The following OPRM1 variants were observed in gnomAD, a reference collection of about 807,000 sequenced individuals.
The protein encoded by OPRM1 is opioid receptor mu 1.
OPRM1 carries 27 observed loss-of-function variants against 31.8 expected under a neutral mutation model. That is an observed-to-expected ratio of 0.85 (90% CI 0.63 to 1.17). OPRM1 has a LOEUF of 1.17. Among genes scored for constraint, OPRM1 ranks in the 50% most tolerant of loss-of-function variants. The probability of loss-of-function intolerance (pLI) is 0.00; values close to 1 mark genes in which losing one functional copy is unlikely to be tolerated. For synonymous variants in OPRM1, 196 were observed against 189.9 expected, an observed-to-expected ratio of 1.03 and a Z score of -0.26; for missense variants, 536 against 511.1, an observed-to-expected ratio of 1.05 and a Z score of -0.47.
At position 154,086,874 on chromosome 6, in the gene OPRM1, T is replaced by A. The variant is rs184521684; in HGVS notation, c.291-2952T>A. 1.0e-4 allele frequency: 103 copies of A among 984,000 alleles called. No individual in the cohort carries two copies. In the African/African-American group the frequency reaches 1.7e-3, roughly 16 times the overall value. 61.0% of individuals were successfully genotyped at this position (984,000 alleles called of 1,614,324 possible). Reference sequence around the variant, plus strand: ...GTTATTTTCTCTTTTGGGGAGAAACTTCTTCTTATTAAAAAAATAAAAAAT... The same window carrying A: ...GTTATTTTCTCTTTTGGGGAGAAACATCTTCTTATTAAAAAAATAAAAAAT... On this transcript the variant is annotated intron_variant, in intron 1 of 3. Transcript: ENST00000330432.
intron 3 of OPRM1, among the ~76,000 whole-genome samples, chr6:154,152,690 T>A (rs9371778): frequency 0.41 from 62,569 of 151,610 alleles, 13,380 homozygotes; most frequent in Middle Eastern, 0.51. Context: ...TAAAATATTG[T>A]CCCCATTGCA....
At chr6:154,100,159 G>T (rs62436476) in intron 3 of OPRM1, among the ~76,000 whole-genome samples, 1 of 68,174 alleles carries the variant, frequency 1.5e-5, no homozygotes, top group Non-Finnish European at 2.7e-5. Flanking sequence ...ATATTATGAC[G>T]TATCATAATA....
intron 3 of OPRM1, 189 bp downstream of exon 3, chr6:154,091,661 A>T (rs1169125282): frequency 1.4e-6 from 2 of 1,387,544 alleles, no homozygotes; most frequent in Non-Finnish European, 9.3e-7. Flanking sequence ...GACTGTACAT[A>T]TTCATTTAGG....
At chr6:154,134,824 A>G (rs913189821), downstream of OPRM1, among the ~76,000 whole-genome samples, 8 of 152,180 alleles carry the variant, frequency 5.3e-5, no homozygotes, top group East Asian at 5.8e-4. Flanking sequence ...CTAAAAAACC[A>G]CTATTTGAGT....
intron 1 of OPRM1, among the ~76,000 whole-genome samples, chr6:154,023,258 A>C (rs1402569795): frequency 6.6e-6 from 1 of 152,098 alleles, no homozygotes; most frequent in African/African-American, 2.4e-5. Context: ...CACTATAGAC[A>C]TCTGTCACTT....
intron 3 of OPRM1, chr6:154,214,435 T>C (rs1778220910): frequency 3.1e-6 from 2 of 653,130 alleles, no homozygotes; most frequent in South Asian, 3.5e-5. Flanking sequence ...CTAAGGCCTC[T>C]GGTTTCACAA....
At chr6:154,097,148 C>A (rs181934068) in intron 3 of OPRM1, among the ~76,000 whole-genome samples, 4 of 152,252 alleles carry the variant, frequency 2.6e-5, no homozygotes, top group African/African-American at 9.6e-5. Context: ...CAGGAAAAAG[C>A]AATATAATAG....
chr6:154,022,543 A>C (rs1473223639), intron 1 of OPRM1, among the ~76,000 whole-genome samples: 1 of 151,678 alleles, frequency 6.6e-6, no homozygotes, highest in Non-Finnish European at 1.5e-5. Flanking sequence ...TGCTGTGAGG[A>C]ACCTTTTAAA....
At position 154,039,575 on chromosome 6, in the gene OPRM1, AGC is replaced by A. The variant is rs1175639223; in HGVS notation, c.32_33del (p.Ser11LysfsTer4). 14 of 1,613,358 alleles carry A rather than the reference AGC, an allele frequency of 8.7e-6. No homozygotes were observed. The highest frequency in any genetic ancestry group is 1.2e-5 in the Non-Finnish European group (14 of 1,179,774). MDSSAAPTNASNCTDALAYSS... is the reference protein window; with the variant it reads MDSSAAPTNAXNCTDALAYSS... The stretch of plus-strand genomic sequence containing the variant: ...CAGCAGCGCTGCCCCCACGAACGCC[AGC>A]AATTGCACTGATGCCTTGGCGTACT... On this transcript the variant is annotated frameshift_variant, in exon 1 of 4. Transcript: ENST00000330432. LOFTEE classifies it high-confidence loss of function.
intron 3 of OPRM1, chr6:154,155,716 G>A (rs1798685600): frequency 6.6e-6 from 1 of 152,208 alleles, no homozygotes; most frequent in Admixed American, 6.5e-5. Context: ...GGGAGGCAGA[G>A]GTTGCAGTGA....
chr6:154,141,757 G>A (rs943811962), intron 3 of OPRM1, among the ~76,000 whole-genome samples: 16 of 152,220 alleles, frequency 1.1e-4, no homozygotes, highest in African/African-American at 2.9e-4. Context: ...TTGAGTTTCC[G>A]ATTGGTCTTT....
At position 154,054,367 on chromosome 6, in the gene OPRM1, CAAAAAAA is replaced by C. The variant is rs1194794442; in HGVS notation, c.290+14550_290+14556del. 4.1e-4 allele frequency among the ~76,000 whole-genome samples: 22 copies of C among 53,038 alleles called. No individual in the cohort carries two copies. The South Asian group carries it at 6.2e-3, about 15-fold the overall frequency. The allele number at this position is 53,038 out of a possible 152,430, so 34.8% of individuals were successfully genotyped here. On this transcript the variant is annotated intron_variant, in intron 1 of 3. Coordinates refer to ENST00000330432, the MANE Select transcript of OPRM1 (RefSeq NM_000914.5). Reference sequence around the variant, plus strand: ...CTGGTGACAGAGCGAGACTCCGTCTCAAAAAAAAAAAAAAAAAAAAAAAGGAAACCCG... The same window carrying C: ...CTGGTGACAGAGCGAGACTCCGTCTCAAAAAAAAAAAAAAAAGGAAACCCG...
intron 3 of OPRM1, among the ~76,000 whole-genome samples, chr6:154,093,887 T>C (rs1170359354): frequency 6.6e-6 from 1 of 152,262 alleles, no homozygotes; most frequent in Non-Finnish European, 1.5e-5. Flanking sequence ...CTGCTAGTGA[T>C]AGTTTCAATA....
At chr6:154,100,298 T>TTATCATATTATTA (rs1173768569) in intron 3 of OPRM1, among the ~76,000 whole-genome samples, 1 of 146,320 alleles carries the variant, frequency 6.8e-6, no homozygotes, top group Non-Finnish European at 1.5e-5. Context: ...ATAATATATA[T>TTATCATATTATTA]CAAAAAGTCA....
chr6:154,035,765 T>C (rs1274069918), upstream of OPRM1, among the ~76,000 whole-genome samples: 1 of 152,134 alleles, frequency 6.6e-6, no homozygotes, highest in Admixed American at 6.5e-5. Flanking sequence ...ATAAATACGT[T>C]GCTTTGAAAC....
At chr6:154,171,374 C>T (rs1403769927) in intron 3 of OPRM1, among the ~76,000 whole-genome samples, 1 of 151,976 alleles carries the variant, frequency 6.6e-6, no homozygotes, top group Non-Finnish European at 1.5e-5. Flanking sequence ...CACAAACAAC[C>T]ACATATTGCG....
At chr6:154,036,393 C>T (rs932883204), upstream of OPRM1, among the ~76,000 whole-genome samples, 2 of 151,978 alleles carry the variant, frequency 1.3e-5, no homozygotes, top group Admixed American at 6.6e-5. Flanking sequence ...ACTATCCTCA[C>T]TGAAAGATGA....
At chr6:154,031,705 C>T (rs1583154658) in intron 1 of OPRM1, among the ~76,000 whole-genome samples, 1 of 152,232 alleles carries the variant, frequency 6.6e-6, no homozygotes, top group African/African-American at 2.4e-5. Flanking sequence ...CGCGCCATTG[C>T]ACTCCAGCCT....
intron 1 of OPRM1, among the ~76,000 whole-genome samples, chr6:154,067,252 GTTAAC>G (rs1291990701): frequency 1.3e-4 from 19 of 151,314 alleles, no homozygotes; most frequent in African/African-American, 4.6e-4. Flanking sequence ...TTTTTAAGTT[GTTAAC>G]TTAAGATTTT....
Sources: gnomAD v4.1 joint callset for allele counts (sites outside exome capture counted in the v4.1 genomes callset) on GRCh38, gnomAD v4.1.1 for gene constraint, MANE v1.5 for transcripts, NCBI Gene and HGNC (gene_info 2026-07-23, HGNC 2026-07-21) for gene names.